Variants in SMAD5 observed in about 807,000 individuals in gnomAD.
SMAD5 encodes MAD, mothers against decapentaplegic homolog 5.
In SMAD5, 9 loss-of-function variants were observed where a neutral mutation model predicts 43.1. The observed-to-expected ratio is 0.21, with a 90% CI of 0.13 to 0.36. SMAD5 has a LOEUF of 0.36. Ranked by LOEUF, SMAD5 falls within the 10% of genes least tolerant of loss-of-function variation. SMAD5 has a pLI of 1.00. For missense variants in SMAD5, 348 were observed against 574.0 expected (o/e 0.61, Z 4.02); for synonymous variants, 190 against 192.4 (o/e 0.99, Z 0.10).
Position 136,137,291 on chromosome 5 carries a change from T to C in SMAD5, c.-245+4329T>C, listed in dbSNP as rs577161632. ...TGGGACCCCCCCCCGCATCTCTTCC[T>C]ATAGCATATATGTACTTTATAGACT... On this transcript the variant is annotated intron_variant, in intron 1 of 7. Transcript: ENST00000545279. Among the ~76,000 whole-genome samples the C allele has an allele frequency of 5.7e-5, 8 of 140,672 alleles. No homozygotes were observed. In the South Asian group the frequency reaches 1.8e-3, roughly 32 times the overall value. 92.3% of individuals were successfully genotyped at this position (140,672 alleles called of 152,430 possible).
At chr5:136,133,108 C>T (rs1190645874) in intron 1 of SMAD5, 146 bp downstream of exon 1, 2 of 152,348 alleles carry the variant, frequency 1.3e-5, no homozygotes, top group East Asian at 3.9e-4. Flanking sequence ...TAGGCCGAGT[C>T]CTGGCCTGCC....
rs950780510 is a variant in SMAD5, at chr5:136,135,225, G to T, written c.-245+2263G>T. Among the ~76,000 whole-genome samples, 3 of 152,216 alleles carry T rather than the reference G, an allele frequency of 2.0e-5. No homozygotes were observed. The South Asian group carries it at 6.2e-4, about 31-fold the overall frequency. On this transcript the variant is annotated intron_variant, in intron 1 of 7. Transcript: ENST00000545279. The stretch of plus-strand genomic sequence containing the variant: ...CAGATTGTTGTTTACTGTTGGTTAT[G>T]TAACATGTTGCTGGGAGTATTATTA...
chr5:136,144,866 G>C (rs1753207080), intron 1 of SMAD5, among the ~76,000 whole-genome samples: 1 of 151,708 alleles, frequency 6.6e-6, no homozygotes, highest in African/African-American at 2.4e-5. Flanking sequence ...ATGCTAATTG[G>C]GTTCTTTTTG....
chr5:136,144,588 TG>T (rs1480035720), intron 1 of SMAD5, among the ~76,000 whole-genome samples: 2 of 150,856 alleles, frequency 1.3e-5, no homozygotes, highest in African/African-American at 4.9e-5. Flanking sequence ...CCTCTTAATA[TG>T]TTTAGATATA....
chr5:136,141,047 T>C (rs1481379462), intron 1 of SMAD5, among the ~76,000 whole-genome samples: 1 of 152,040 alleles, frequency 6.6e-6, no homozygotes. Flanking sequence ...GATTAGAGAT[T>C]AGGGAAACTC....
chr5:136,140,966 GAC>G (rs1380480182), intron 1 of SMAD5, among the ~76,000 whole-genome samples: 1 of 151,944 alleles, frequency 6.6e-6, no homozygotes, highest in Non-Finnish European at 1.5e-5. Flanking sequence ...TAGTGCGAGA[GAC>G]AGAAATAAAG....
intron 5 of SMAD5, among the ~76,000 whole-genome samples, chr5:136,165,003 A>C (rs1360556944): frequency 6.6e-6 from 1 of 152,170 alleles, no homozygotes; most frequent in Non-Finnish European, 1.5e-5. Context: ...TCTTTGTCAG[A>C]AATCAATTGA....
chr5:136,152,320 C>T (rs1753498736), intron 2 of SMAD5, among the ~76,000 whole-genome samples: 1 of 152,106 alleles, frequency 6.6e-6, no homozygotes, highest in South Asian at 2.1e-4. Flanking sequence ...CATGGCTATT[C>T]ACAATACATG....
At chr5:136,161,676 T>C (rs983417788) in intron 4 of SMAD5, among the ~76,000 whole-genome samples, 1 of 152,192 alleles carries the variant, frequency 6.6e-6, no homozygotes, top group East Asian at 1.9e-4. Flanking sequence ...TGGAGAAAGA[T>C]AAGTAGATTT....
chr5:136,152,281 T>C (rs1753497232), intron 2 of SMAD5, among the ~76,000 whole-genome samples: 1 of 152,150 alleles, frequency 6.6e-6, no homozygotes, highest in African/African-American at 2.4e-5. Flanking sequence ...TAAACCCTAC[T>C]TGGCATAACT....
Position 136,153,861 on chromosome 5 carries a change from C to A in SMAD5, c.101C>A (p.Ala34Glu), listed in dbSNP as rs1268460908. 1 of 1,613,842 alleles carries A rather than the reference C, an allele frequency of 6.2e-7. No individual in the cohort carries two copies. The highest frequency in any genetic ancestry group is 8.5e-7 in the Non-Finnish European group (1 of 1,179,850). Residue 34 changes from alanine (A) to glutamate (E), a missense_variant, in exon 3 of 8, where the codon GCA becomes GAA. Physicochemically the swap from Ala to Glu is moderately radical, Grantham distance 107. Coordinates refer to ENST00000545279, the MANE Select transcript of SMAD5 (RefSeq NM_005903.7). ...GAGGAGGAGAAATGGGCAGAAAAGG[C>A]AGTTGATGCTTTGGTGAAGAAACTA... ...GDEEEKWAEK[A>E]VDALVKKLKK...
At chr5:136,143,916 A>G (rs1753176044) in intron 1 of SMAD5, among the ~76,000 whole-genome samples, 1 of 151,862 alleles carries the variant, frequency 6.6e-6, no homozygotes, top group African/African-American at 2.4e-5. Context: ...AGTCATATTC[A>G]CCAGTATATA....
chr5:136,160,904 A>C lies in SMAD5; in HGVS notation c.452A>C (p.His151Pro), dbSNP rs770653655. 6.2e-7 allele frequency: 1 copy of C among 1,613,826 alleles called. No individual in the cohort carries two copies. Among genetic ancestry groups the C allele is most frequent in the African/African-American group, 1.3e-5 (1 of 74,920 alleles). ...VPRHNEFNPQ[H>P]SLLVQFRNLS... ...CGTCATAATGAATTCAATCCACAACACAGCCTTCTGGTTCAGTTTAGGAAC... is the reference window on the plus strand; with the variant it reads ...CGTCATAATGAATTCAATCCACAACCCAGCCTTCTGGTTCAGTTTAGGAAC... Residue 151 changes from histidine (H) to proline (P), a missense_variant, in exon 4 of 8, where the codon CAC (histidine) becomes CCC (proline). Around this residue, in one of 5 missense-constraint regions of SMAD5, gnomAD observed 185 missense variants for 207.0 expected, o/e 0.89. Coordinates refer to ENST00000545279, the MANE Select transcript of SMAD5 (RefSeq NM_005903.7).
Position 136,182,362 on chromosome 5 carries a change from T to G in SMAD5, c.*4882T>G, listed in dbSNP as rs1754659635. 6.6e-6 allele frequency: 1 copy of G among 152,240 alleles called. No individual in the cohort carries two copies. The highest frequency in any genetic ancestry group is 2.4e-5 in the African/African-American group (1 of 41,470). 9.4% of individuals were successfully genotyped at this position (152,240 alleles called of 1,614,324 possible). A position where few individuals can be genotyped will look rare whatever the true frequency, so the allele number is the denominator to read the frequency against. ...GAAGATAATGGTTAGGCAAGTGATTTTTTTTTTAAATATGGTTGGCGTAAG... is the reference window on the plus strand; with the variant it reads ...GAAGATAATGGTTAGGCAAGTGATTGTTTTTTTAAATATGGTTGGCGTAAG... On this transcript the variant is annotated 3_prime_UTR_variant, in exon 8 of 8. Transcript: ENST00000545279.
intron 7 of SMAD5, among the ~76,000 whole-genome samples, chr5:136,177,069 T>G (rs1754445136): frequency 1.3e-5 from 2 of 152,054 alleles, no homozygotes; most frequent in African/African-American, 4.8e-5. Context: ...TTTCTAAGAT[T>G]AAAAAAAATT....
intron 1 of SMAD5, among the ~76,000 whole-genome samples, chr5:136,142,891 G>A (rs1753131185): frequency 1.3e-5 from 2 of 152,030 alleles, no homozygotes; most frequent in South Asian, 4.2e-4. Context: ...TACTCTCTAA[G>A]ATCTTACAGA....
rs145889299 is a variant in SMAD5, at chr5:136,157,879, G to A, written c.404-2977G>A. 8.2e-3 allele frequency among the ~76,000 whole-genome samples: 1,253 copies of A among 152,236 alleles called. 10 individuals are homozygous for A. Among genetic ancestry groups the A allele is most frequent in the African/African-American group, 0.028 (1,161 of 41,538 alleles). On this transcript the variant is annotated intron_variant, in intron 3 of 7. Transcript: ENST00000545279. ...TATTGTCTATTGATTAAGACTGTGG[G>A]TTCTGGAGCCAGGCTTTCTGGATTT...
chr5:136,156,065 A>G (rs886672599), intron 3 of SMAD5, among the ~76,000 whole-genome samples: 1 of 152,122 alleles, frequency 6.6e-6, no homozygotes, highest in Non-Finnish European at 1.5e-5. Context: ...GCTGTAATCA[A>G]GGTGTTGGTT....
At chr5:136,135,790 A>G (rs192243184) in intron 1 of SMAD5, among the ~76,000 whole-genome samples, 5 of 152,176 alleles carry the variant, frequency 3.3e-5, no homozygotes, top group East Asian at 1.9e-4. Context: ...ATAGGTGTCT[A>G]TTCTCTTGGT....
Sources: allele counts gnomAD v4.1 joint callset (sites outside exome capture counted in the v4.1 genomes callset), GRCh38; gene constraint gnomAD v4.1.1; regional missense constraint gnomAD v4.1.1; transcripts MANE v1.5; gene names NCBI Gene and HGNC (gene_info 2026-07-23, HGNC 2026-07-21).